SMARCA4: variants seen among roughly 807,000 people sequenced by gnomAD.
SMARCA4 encodes SWI/SNF related BAF chromatin remodeling complex subunit ATPase 4.
A neutral mutation model predicts 193.9 loss-of-function variants in SMARCA4; 31 were observed. The observed-to-expected ratio is 0.16, with a 90% CI of 0.12 to 0.22. SMARCA4 has a LOEUF of 0.22. SMARCA4 is among the 10% of genes least tolerant of loss of function. SMARCA4 has a pLI of 1.00. For synonymous variants in SMARCA4, 942 were observed against 933.1 expected, an observed-to-expected ratio of 1.01 and a Z score of -0.17; for missense variants, 1,148 against 2,296.0, an observed-to-expected ratio of 0.50 and a Z score of 10.22.
At position 11,034,882 on chromosome 19, in the gene SMARCA4, G is replaced by C. The variant is rs2146694125; in HGVS notation, c.3952-32G>C. 6.8e-7 allele frequency: 1 copy of C among 1,466,686 alleles called. No homozygotes were observed. Among genetic ancestry groups the C allele is most frequent in the Non-Finnish European group, 9.3e-7 (1 of 1,074,856 alleles). The allele number at this position is 1,466,686 out of a possible 1,614,324, so 90.9% of individuals were successfully genotyped here. A position where few individuals can be genotyped will look rare whatever the true frequency, so the allele number is the denominator to read the frequency against. On this transcript the variant is annotated intron_variant, in intron 28 of 34. Transcript: ENST00000344626. The surrounding 1 kb of genome is among the most constrained non-coding windows in gnomAD (Gnocchi z 7.0). ...AGCGTGCCCCTGGTGCCTGCATGCT[G>C]ATGCCTCTCCCGTTGCCTCCCTGCC...
chr19:11,024,231 C>T (rs1015012823), intron 20 of SMARCA4, 100 bp from the exon 21 acceptor site: 4 of 806,064 alleles, frequency 5.0e-6, no homozygotes, highest in African/African-American at 1.7e-5. Flanking sequence ...CTGGTCAGAG[C>T]TCATATGACA....
chr19:11,023,485 A>G lies in SMARCA4; in HGVS notation c.2860-33A>G, dbSNP rs1343209084. The G allele has an allele frequency of 3.6e-6, 5 of 1,370,928 alleles. No individual in the cohort carries two copies. In the African/African-American group the frequency reaches 7.1e-5, roughly 19 times the overall value. 84.9% of individuals were successfully genotyped at this position (1,370,928 alleles called of 1,614,324 possible). ...ACCTCTGTCGCCCTCCTTTGGAGGT[A>G]ACGCTTGCTTCTCCTGTCTTGGGGG... On this transcript the variant is annotated intron_variant, in intron 19 of 34. Coordinates refer to ENST00000344626, the MANE Select transcript of SMARCA4 (RefSeq NM_003072.5).
chr19:10,972,096 A>G (rs1345539206), intron 1 of SMARCA4, among the ~76,000 whole-genome samples: 2 of 151,842 alleles, frequency 1.3e-5, no homozygotes, highest in Non-Finnish European at 2.9e-5. Context: ...AGTAGCTGGG[A>G]TTACGGGCGC....
chr19:10,995,620 A>G, intron 9 of SMARCA4: 1 of 400,768 alleles, frequency 2.5e-6, no homozygotes, highest in Non-Finnish European at 5.0e-6. Context: ...AAGGAGCCCC[A>G]GGCAGTGCGG....
chr19:10,988,009 C>T, intron 6 of SMARCA4, 85 bp downstream of exon 6: 1 of 1,425,756 alleles, frequency 7.0e-7, no homozygotes, highest in Non-Finnish European at 9.7e-7. Context: ...CTCCCCCACT[C>T]TAGCAAACAG....
intron 11 of SMARCA4, among the ~76,000 whole-genome samples, chr19:10,999,361 A>G (rs907104373): frequency 2.6e-5 from 4 of 152,108 alleles, no homozygotes; most frequent in African/African-American, 9.7e-5. Context: ...CTGTTTGTAT[A>G]TATTAAAACT....
intron 14 of SMARCA4, among the ~76,000 whole-genome samples, chr19:11,009,051 T>A (rs930225499): frequency 1.6e-5 from 2 of 127,638 alleles, no homozygotes; most frequent in African/African-American, 3.2e-5. Flanking sequence ...TGAGATAGAG[T>A]CTTGCTCTTC....
chr19:10,994,607 T>C (rs2086856606), intron 8 of SMARCA4, among the ~76,000 whole-genome samples: 1 of 152,016 alleles, frequency 6.6e-6, no homozygotes, highest in South Asian at 2.1e-4. Context: ...CATGAGCCAC[T>C]GTGCCCAGCC....
Position 10,984,238 on chromosome 19 carries a change from C to T in SMARCA4, c.87C>T (p.Gly29=), listed in dbSNP as rs1330706074. 6.2e-7 allele frequency: 1 copy of T among 1,612,516 alleles called. No individual in the cohort carries two copies. The highest frequency in any genetic ancestry group is 8.5e-7 in the Non-Finnish European group (1 of 1,179,494). The change falls in exon 2 of 35, where the codon GGC becomes GGT. Residue 29 remains glycine, a synonymous_variant. Coordinates refer to ENST00000344626, the MANE Select transcript of SMARCA4 (RefSeq NM_003072.5). The surrounding 1 kb of genome is among the most constrained non-coding windows in gnomAD (Gnocchi z 4.3). ...GPGPSPGAML[G]PSPGPSPGSA... is the part of the protein sequence containing the mutation. ...GCCCTTCCCCTGGAGCCATGCTGGG[C>T]CCTAGCCCGGGTCCCTCGCCGGGCT...
chr19:11,048,040 C>G (rs1008479067), intron 30 of SMARCA4, among the ~76,000 whole-genome samples: 1 of 152,150 alleles, frequency 6.6e-6, no homozygotes, highest in Non-Finnish European at 1.5e-5. Context: ...GAAGCTTCCT[C>G]GCCACCGACT....
At chr19:10,974,311 A>G (rs967560635) in intron 1 of SMARCA4, among the ~76,000 whole-genome samples, 1 of 152,120 alleles carries the variant, frequency 6.6e-6, no homozygotes, top group African/African-American at 2.4e-5. Context: ...AGATGTTTCT[A>G]TTTTAGATGA....
chr19:10,997,122 C>G (rs1568445537), intron 11 of SMARCA4, among the ~76,000 whole-genome samples: 1 of 152,006 alleles, frequency 6.6e-6, no homozygotes, highest in African/African-American at 2.4e-5. Flanking sequence ...CGAGTTCAAT[C>G]AATTGTCCTG....
chr19:10,964,930 G>C (rs1288586894), intron 1 of SMARCA4, among the ~76,000 whole-genome samples: 3 of 152,152 alleles, frequency 2.0e-5, no homozygotes, highest in Non-Finnish European at 4.4e-5. Flanking sequence ...CAGTCTGGTG[G>C]AACTTTCTAT....
At chr19:10,966,788 T>C (rs1322996766) in intron 1 of SMARCA4, among the ~76,000 whole-genome samples, 1 of 151,822 alleles carries the variant, frequency 6.6e-6, no homozygotes, top group African/African-American at 2.4e-5. Context: ...CTTGTGAGAC[T>C]GAGGCAGGAG....
Position 11,035,072 on chromosome 19 carries a change from C to T in SMARCA4, c.4110C>T (p.Gly1370=), listed in dbSNP as rs780735376. 2.0e-5 allele frequency: 32 copies of T among 1,612,768 alleles called. No homozygotes were observed. The highest frequency in any genetic ancestry group is 2.7e-5 in the Non-Finnish European group (32 of 1,179,928). ...AGGAGGAGAAGATGTTCGGCCGTGG[C>T]TCCCGCCACCGCAAGGAGGTGGACT... ...EEEEEKMFGR[G]SRHRKEVDYS... is the part of the protein sequence containing the mutation. Residue 1370 remains glycine, a synonymous_variant, in exon 29 of 35, where the codon GGC becomes GGT. Coordinates refer to ENST00000344626, the MANE Select transcript of SMARCA4 (RefSeq NM_003072.5).
intron 30 of SMARCA4, among the ~76,000 whole-genome samples, chr19:11,045,675 C>A (rs1404500999): frequency 6.6e-6 from 1 of 151,944 alleles, no homozygotes; most frequent in Non-Finnish European, 1.5e-5. Context: ...ACTCACAGAG[C>A]CCTCTTAGGG....
intron 19 of SMARCA4, among the ~76,000 whole-genome samples, chr19:11,022,891 C>T (rs2089978994): frequency 6.6e-6 from 1 of 152,194 alleles, no homozygotes; most frequent in South Asian, 2.1e-4. Context: ...ACTTTCTGAG[C>T]CGAGCAAAAG....
intron 9 of SMARCA4, chr19:10,995,651 C>T (rs546143392): frequency 7.7e-5 from 29 of 377,058 alleles, no homozygotes; most frequent in Non-Finnish European, 1.3e-4. Context: ...AGGTGGCAGG[C>T]AGCCATGTGC....
At chr19:11,007,792 G>A in intron 13 of SMARCA4, 110 bp from the exon 14 acceptor site, 1 of 1,037,496 alleles carries the variant, frequency 9.6e-7, no homozygotes, top group Non-Finnish European at 1.5e-6. Flanking sequence ...AGGTAGAGGG[G>A]GTGAGGGCTG....
Sources: allele counts gnomAD v4.1 joint callset (sites outside exome capture counted in the v4.1 genomes callset), GRCh38; gene constraint gnomAD v4.1.1; non-coding constraint Gnocchi (gnomAD v3.1); transcripts MANE v1.5; gene names NCBI Gene and HGNC (gene_info 2026-07-23, HGNC 2026-07-21).